SCOC: variants seen among roughly 807,000 people sequenced by gnomAD.
The protein encoded by SCOC is short coiled-coil protein, also known as short coiled coil protein.
Under a neutral mutation model 9.9 loss-of-function variants are expected in SCOC, and 7 were observed. The ratio of observed to expected loss-of-function variants is 0.71; its 90% CI spans 0.40 to 1.33. The LOEUF is 1.33. SCOC is among the 40% of genes most tolerant of loss of function. The pLI, the probability that SCOC is intolerant of heterozygous loss-of-function variation, is 0.01. For missense variants in SCOC, 66 were observed against 89.7 expected (o/e 0.74, Z 1.07); for synonymous variants, 19 against 28.2 (o/e 0.67, Z 1.03).
chr4:140,373,834 C>A, intron 1 of SCOC, 117 bp downstream of exon 1: 1 of 1,156,662 alleles, frequency 8.6e-7, no homozygotes, highest in Non-Finnish European at 1.2e-6. Flanking sequence ...GCACCGGGGG[C>A]CCGGGAGGAG....
intron 1 of SCOC, among the ~76,000 whole-genome samples, chr4:140,286,264 A>G (rs1472985589): frequency 6.6e-6 from 1 of 151,970 alleles, no homozygotes; most frequent in Non-Finnish European, 1.5e-5. Flanking sequence ...GCTGGCATAG[A>G]GTAGGTACTT....
chr4:140,276,372 C>G (rs1241692925), intron 1 of SCOC, among the ~76,000 whole-genome samples: 1 of 152,156 alleles, frequency 6.6e-6, no homozygotes, highest in African/African-American at 2.4e-5. Context: ...CTCCTGACCT[C>G]AAGTGATCCG....
chr4:140,323,438 T>C (rs1732557461), intron 1 of SCOC, among the ~76,000 whole-genome samples: 1 of 152,184 alleles, frequency 6.6e-6, no homozygotes, highest in Admixed American at 6.5e-5. Flanking sequence ...GCAATTCAAA[T>C]GGACTAATAC....
chr4:140,263,297 G>A (rs556350869), intron 1 of SCOC, among the ~76,000 whole-genome samples: 4 of 152,270 alleles, frequency 2.6e-5, no homozygotes, highest in African/African-American at 9.6e-5. Flanking sequence ...CTTCCACAGA[G>A]CAATTTAGGA....
chr4:140,341,276 A>C (rs1475639616), upstream of SCOC, among the ~76,000 whole-genome samples: 1 of 152,174 alleles, frequency 6.6e-6, no homozygotes, highest in African/African-American at 2.4e-5. Flanking sequence ...TTGGTTTATA[A>C]ATTCTTTTAT....
At chr4:140,380,552 A>G (rs1282720749) in intron 3 of SCOC, among the ~76,000 whole-genome samples, 6 of 152,104 alleles carry the variant, frequency 3.9e-5, no homozygotes, top group Non-Finnish European at 7.4e-5. Context: ...TGTCTTGATA[A>G]TGTTACAATA....
chr4:140,313,855 C>T (rs56027669), intron 1 of SCOC, among the ~76,000 whole-genome samples: 5,765 of 151,934 alleles, frequency 0.038, 164 homozygotes, highest in Middle Eastern at 0.085. Context: ...CGGCTAGGTG[C>T]GGTGGCTCAT....
intron 1 of SCOC, among the ~76,000 whole-genome samples, chr4:140,314,740 G>A (rs1410175443): frequency 2.0e-5 from 3 of 152,164 alleles, no homozygotes; most frequent in Non-Finnish European, 2.9e-5. Context: ...AGCAGCTAGC[G>A]AGGTGCTAAG....
chr4:140,379,240 T>G (rs756895153), intron 2 of SCOC, 48 bp downstream of exon 2: 2 of 1,256,746 alleles, frequency 1.6e-6, no homozygotes, highest in Non-Finnish European at 2.3e-6. Context: ...TTGTGGATGC[T>G]TTTGCTTTAT....
chr4:140,288,222 T>C (rs192884174), intron 1 of SCOC, among the ~76,000 whole-genome samples: 26 of 151,936 alleles, frequency 1.7e-4, no homozygotes, highest in African/African-American at 6.3e-4. Context: ...GCACACCCCA[T>C]GTACATGCAT....
At chr4:140,372,974 G>A (rs116996576), upstream of SCOC, among the ~76,000 whole-genome samples, 9 of 152,258 alleles carry the variant, frequency 5.9e-5, no homozygotes, top group East Asian at 1.7e-3. Flanking sequence ...GGCTCCACAG[G>A]GGTAAGGTAA....
chr4:140,319,327 G>T (rs1732428720), intron 1 of SCOC, among the ~76,000 whole-genome samples: 1 of 152,090 alleles, frequency 6.6e-6, no homozygotes. Context: ...CTGACATCAG[G>T]TGATCCGCCA....
intron 1 of SCOC, among the ~76,000 whole-genome samples, chr4:140,375,831 A>G (rs562432882): frequency 6.6e-6 from 1 of 152,306 alleles, no homozygotes; most frequent in African/African-American, 2.4e-5. Context: ...CTAGCCATAC[A>G]TCAGAGCTGA....
At chr4:140,281,096 T>C (rs140403891) in intron 1 of SCOC, among the ~76,000 whole-genome samples, 1 of 152,132 alleles carries the variant, frequency 6.6e-6, no homozygotes, top group South Asian at 2.1e-4. Flanking sequence ...TCATCCTCTC[T>C]CTATAGGAGA....
chr4:140,294,485 G>C (rs972770013), intron 1 of SCOC, among the ~76,000 whole-genome samples: 3 of 152,096 alleles, frequency 2.0e-5, no homozygotes, highest in African/African-American at 7.2e-5. Context: ...GAAAAAATGG[G>C]CCCTAGAGAG....
At chr4:140,265,359 G>A (rs960915239) in intron 1 of SCOC, among the ~76,000 whole-genome samples, 1 of 152,120 alleles carries the variant, frequency 6.6e-6, no homozygotes, top group Non-Finnish European at 1.5e-5. Flanking sequence ...CTTATGTGGT[G>A]GTCAGAGCAT....
chr4:140,319,478 G>A (rs1560699223), intron 1 of SCOC, among the ~76,000 whole-genome samples: 1 of 151,968 alleles, frequency 6.6e-6, no homozygotes, highest in African/African-American at 2.4e-5. Flanking sequence ...CCAGCTCCAA[G>A]TTTGAGTGAG....
chr4:140,278,029 G>A lies in SCOC; in HGVS notation c.-19+20619G>A, dbSNP rs575772899. ...AGTTTATATAATTCTATGTATATTT[G>A]CTTCTTCTGACTTATCTAGGTGAAC... On this transcript the variant is annotated intron_variant, in intron 1 of 4. Coordinates refer to the SCOC transcript ENST00000394205. Among the ~76,000 whole-genome samples the A allele has an allele frequency of 3.9e-5, 6 of 152,326 alleles. No individual in the cohort carries two copies. The South Asian group carries it at 1.2e-3, about 32-fold the overall frequency.
At chr4:140,295,629 A>G (rs1731602409) in intron 1 of SCOC, among the ~76,000 whole-genome samples, 1 of 152,204 alleles carries the variant, frequency 6.6e-6, no homozygotes, top group South Asian at 2.1e-4. Context: ...AAGTAGCGTC[A>G]CAAGACCACC....
Sources: allele counts gnomAD v4.1 joint callset (sites outside exome capture counted in the v4.1 genomes callset), GRCh38; gene constraint gnomAD v4.1.1; transcripts MANE v1.5; gene names NCBI Gene and HGNC (gene_info 2026-07-23, HGNC 2026-07-21).